The following FSTL5 variants were observed in gnomAD, a reference collection of about 807,000 sequenced individuals.
The protein encoded by FSTL5 is follistatin-related protein 5.
A neutral mutation model predicts 89.1 loss-of-function variants in FSTL5; 62 were observed. The ratio of observed to expected loss-of-function variants is 0.70; its 90% CI spans 0.57 to 0.86. The LOEUF (loss-of-function observed/expected upper bound fraction) is 0.86, where lower values mean the gene tolerates loss of function less well. Ranked by LOEUF, FSTL5 falls within the 40% of genes least tolerant of loss-of-function variation. The pLI, the probability that FSTL5 is intolerant of heterozygous loss-of-function variation, is 0.00. For missense variants in FSTL5, 1,057 were observed against 1,001.6 expected, an observed-to-expected ratio of 1.06 and a Z score of -0.75; for synonymous variants, 383 against 346.2, an observed-to-expected ratio of 1.11 and a Z score of -1.18.
chr4:162,017,241 T>C (rs963983527), intron 3 of FSTL5, among the ~76,000 whole-genome samples: 36 of 152,182 alleles, frequency 2.4e-4, no homozygotes, highest in African/African-American at 8.2e-4. Flanking sequence ...TATCATCATG[T>C]AGATTATCTG....
intron 11 of FSTL5, among the ~76,000 whole-genome samples, chr4:161,507,360 C>G (rs1226121471): frequency 6.6e-6 from 1 of 151,424 alleles, no homozygotes; most frequent in Non-Finnish European, 1.5e-5. Context: ...ACAAATCATA[C>G]TGAATATTTT....
At chr4:161,673,649 A>C (rs1737195475) in intron 6 of FSTL5, among the ~76,000 whole-genome samples, 1 of 152,022 alleles carries the variant, frequency 6.6e-6, no homozygotes, top group African/African-American at 2.4e-5. Flanking sequence ...TGTAATAAAT[A>C]AATGTTAACA....
chr4:161,851,432 G>A (rs1731545683), intron 4 of FSTL5, among the ~76,000 whole-genome samples: 1 of 152,036 alleles, frequency 6.6e-6, no homozygotes. Context: ...ACAAACACAG[G>A]TGCACATAAT....
chr4:161,716,801 C>G (rs1260424145), intron 6 of FSTL5, among the ~76,000 whole-genome samples: 4 of 152,064 alleles, frequency 2.6e-5, no homozygotes. Flanking sequence ...CAAACCTGGA[C>G]AGTGACTAAG....
At chr4:161,761,619 T>A (rs571813886) in intron 5 of FSTL5, among the ~76,000 whole-genome samples, 13 of 152,240 alleles carry the variant, frequency 8.5e-5, no homozygotes, top group Non-Finnish European at 1.5e-4. Flanking sequence ...GATATTGGAC[T>A]TCCCACTTTA....
intron 3 of FSTL5, among the ~76,000 whole-genome samples, chr4:161,984,369 T>G: frequency 6.6e-6 from 1 of 152,184 alleles, no homozygotes; most frequent in South Asian, 2.1e-4. Flanking sequence ...GTACATAAAT[T>G]ATATATATGT....
chr4:161,842,066 C>T (rs1318027364), intron 4 of FSTL5, among the ~76,000 whole-genome samples: 1 of 152,082 alleles, frequency 6.6e-6, no homozygotes, highest in East Asian at 1.9e-4. Flanking sequence ...AAATTGACAG[C>T]TGGTATCGCA....
At chr4:161,603,186 C>T (rs1734311776) in intron 7 of FSTL5, among the ~76,000 whole-genome samples, 1 of 152,022 alleles carries the variant, frequency 6.6e-6, no homozygotes, top group Non-Finnish European at 1.5e-5. Flanking sequence ...CATTGGCGTA[C>T]CTTGCAGTTA....
intron 5 of FSTL5, among the ~76,000 whole-genome samples, chr4:161,772,659 AG>A (rs1741249921): frequency 6.6e-6 from 1 of 152,210 alleles, no homozygotes; most frequent in African/African-American, 2.4e-5. Context: ...GACCTCTACA[AG>A]GAAAACTACA....
chr4:161,985,581 AT>A (rs1260307709), intron 3 of FSTL5, among the ~76,000 whole-genome samples: 2 of 152,020 alleles, frequency 1.3e-5, no homozygotes, highest in East Asian at 3.9e-4. Context: ...ATACAGTGGA[AT>A]TTAATTTTGA....
intron 4 of FSTL5, among the ~76,000 whole-genome samples, chr4:161,858,349 A>C (rs1731786690): frequency 6.6e-6 from 1 of 152,198 alleles, no homozygotes; most frequent in African/African-American, 2.4e-5. Flanking sequence ...GAATAGATTA[A>C]GACATCCACC....
chr4:162,142,046 T>A (rs1034038354), intron 1 of FSTL5, among the ~76,000 whole-genome samples: 1 of 152,146 alleles, frequency 6.6e-6, no homozygotes, highest in Non-Finnish European at 1.5e-5. Context: ...TTGTATCTAA[T>A]GGGTAGAGGT....
chr4:161,548,904 C>T (rs28620795), intron 8 of FSTL5, among the ~76,000 whole-genome samples: 3,009 of 151,774 alleles, frequency 0.02, 102 homozygotes, highest in African/African-American at 0.069. Flanking sequence ...AATTCCAATA[C>T]CAAAAAGCAT....
intron 6 of FSTL5, among the ~76,000 whole-genome samples, chr4:161,721,916 T>C (rs1739232770): frequency 6.6e-6 from 1 of 152,292 alleles, no homozygotes. Context: ...CTAGGTATCA[T>C]TGTAGTGGTG....
intron 7 of FSTL5, among the ~76,000 whole-genome samples, chr4:161,632,597 G>A (rs747561750): frequency 1.3e-5 from 2 of 152,070 alleles, no homozygotes; most frequent in East Asian, 1.9e-4. Flanking sequence ...ATTATAACTT[G>A]TGCATTTAAC....
intron 4 of FSTL5, among the ~76,000 whole-genome samples, chr4:161,783,474 C>G (rs1480738243): frequency 6.6e-6 from 1 of 151,614 alleles, no homozygotes. Flanking sequence ...AATTTAAGTG[C>G]ATTATGTCTT....
chr4:161,449,919 A>C (rs746586487), intron 15 of FSTL5, among the ~76,000 whole-genome samples: 1 of 152,170 alleles, frequency 6.6e-6, no homozygotes, highest in Non-Finnish European at 1.5e-5. Flanking sequence ...GTGCTACGTC[A>C]AAAGCTCTAG....
chr4:161,562,283 T>G (rs559810054), intron 8 of FSTL5, among the ~76,000 whole-genome samples: 3 of 152,122 alleles, frequency 2.0e-5, no homozygotes, highest in Admixed American at 6.6e-5. Flanking sequence ...AGGTTTGTTC[T>G]TCACACGCAG....
intron 6 of FSTL5, among the ~76,000 whole-genome samples, chr4:161,715,598 G>A (rs1018651364): frequency 8.6e-5 from 13 of 152,046 alleles, no homozygotes; most frequent in African/African-American, 3.1e-4. Context: ...AGAATTATAA[G>A]TTTCGAACTT....
Sources: allele counts gnomAD v4.1 joint callset (sites outside exome capture counted in the v4.1 genomes callset), GRCh38; gene constraint gnomAD v4.1.1; transcripts MANE v1.5; gene names NCBI Gene and HGNC (gene_info 2026-07-23, HGNC 2026-07-21).